TMEM132D: variants seen among roughly 807,000 people sequenced by gnomAD.
TMEM132D encodes transmembrane protein 132D.
In TMEM132D, 21 loss-of-function variants were observed where a neutral mutation model predicts 62.3. The ratio of observed to expected loss-of-function variants is 0.34; its 90% confidence interval spans 0.24 to 0.49. The LOEUF is 0.49. Ranked by LOEUF, TMEM132D falls within the 20% of genes least tolerant of loss-of-function variation. TMEM132D has a pLI of 0.99. For synonymous variants in TMEM132D, 621 were observed against 575.6 expected (o/e 1.08, Z -1.13); for missense variants, 1,346 against 1,402.8 (o/e 0.96, Z 0.65).
intron 4 of TMEM132D, among the ~76,000 whole-genome samples, chr12:129,215,577 A>T (rs1385351746): frequency 6.6e-6 from 1 of 152,226 alleles, no homozygotes; most frequent in African/African-American, 2.4e-5. Context: ...CTAGGCACAG[A>T]TAATGTTGGA....
chr12:129,099,146 C>G (rs1241259765), intron 5 of TMEM132D, among the ~76,000 whole-genome samples: 1 of 152,194 alleles, frequency 6.6e-6, no homozygotes, highest in African/African-American at 2.4e-5. Context: ...ATTCCTCAAG[C>G]CCATTGAATT....
chr12:129,693,784 TAA>T, intron 2 of TMEM132D, among the ~76,000 whole-genome samples: 2 of 152,198 alleles, frequency 1.3e-5, no homozygotes, highest in Admixed American at 1.3e-4. Flanking sequence ...ATTATAATAG[TAA>T]AAAAACACAC....
chr12:129,125,208 T>A (rs12306258), intron 5 of TMEM132D, among the ~76,000 whole-genome samples: 1 of 152,194 alleles, frequency 6.6e-6, no homozygotes, highest in Non-Finnish European at 1.5e-5. Context: ...ATTTGAAACA[T>A]TGAGACCATC....
rs148928265 is a variant in TMEM132D, at chr12:129,548,677, C to T, written c.969-17472G>A. ...CACCTGAATTTGACACATGCCTCTT[C>T]GGCTCACACTTCACATGTGACCTCA... On this transcript the variant is annotated intron_variant, in intron 2 of 8. Coordinates refer to ENST00000422113, the MANE Select transcript of TMEM132D (RefSeq NM_133448.3). Among the ~76,000 whole-genome samples the T allele has an allele frequency of 1.6e-3, 237 of 151,504 alleles. 1 individual carries two copies. Among genetic ancestry groups the T allele is most frequent in the Non-Finnish European group, 2.7e-3 (181 of 67,948 alleles).
intron 1 of TMEM132D, among the ~76,000 whole-genome samples, chr12:129,742,318 A>C (rs190938501): frequency 6.6e-6 from 1 of 152,262 alleles, no homozygotes; most frequent in Admixed American, 6.5e-5. Flanking sequence ...GGCCTCAGGA[A>C]GCTCTTCCTC....
At chr12:129,739,547 C>T (rs1316110781) in intron 1 of TMEM132D, among the ~76,000 whole-genome samples, 1 of 152,208 alleles carries the variant, frequency 6.6e-6, no homozygotes, top group Non-Finnish European at 1.5e-5. Context: ...TCCTGGACTG[C>T]TGGGTCACAC....
rs575615191 is a variant in TMEM132D, at chr12:129,888,719, C to T, written c.79+14542G>A. Among the ~76,000 whole-genome samples, 7 of 152,216 alleles carry T rather than the reference C, an allele frequency of 4.6e-5. No homozygotes were observed. In the South Asian group the frequency reaches 8.3e-4, roughly 18 times the overall value. On this transcript the variant is annotated intron_variant, in intron 1 of 8. Transcript: ENST00000422113. ...ACTCCGTTTAAAAACAAAATTCTAA[C>T]AGCCCTAAGGGTGGACTGTTGCTGT...
chr12:129,240,893 T>C (rs182410699), intron 4 of TMEM132D, among the ~76,000 whole-genome samples: 1 of 152,170 alleles, frequency 6.6e-6, no homozygotes, highest in East Asian at 1.9e-4. Context: ...ATCTCCTCAA[T>C]CTCCCTGTCC....
intron 5 of TMEM132D, among the ~76,000 whole-genome samples, chr12:129,181,809 T>C (rs192057686): frequency 6.7e-4 from 102 of 152,370 alleles, no homozygotes; most frequent in African/African-American, 2.4e-3. Flanking sequence ...TTCCTCTTCC[T>C]CTATGTAGAA....
At chr12:129,396,878 G>A (rs1871446686) in intron 3 of TMEM132D, among the ~76,000 whole-genome samples, 1 of 152,106 alleles carries the variant, frequency 6.6e-6, no homozygotes, top group African/African-American at 2.4e-5. Context: ...TGCCTATCTT[G>A]CCTATATGTT....
At chr12:129,125,341 A>C (rs1245349902) in intron 5 of TMEM132D, among the ~76,000 whole-genome samples, 1 of 152,182 alleles carries the variant, frequency 6.6e-6, no homozygotes. Flanking sequence ...TTGGTTCAGC[A>C]GTTCTAAGCT....
At chr12:129,377,825 T>G (rs1046580859) in intron 3 of TMEM132D, among the ~76,000 whole-genome samples, 2 of 152,238 alleles carry the variant, frequency 1.3e-5, no homozygotes, top group Admixed American at 1.3e-4. Context: ...AGTTTTCCTT[T>G]TTCCCATCCA....
At chr12:129,152,675 G>A (rs1330467774) in intron 5 of TMEM132D, among the ~76,000 whole-genome samples, 2 of 152,074 alleles carry the variant, frequency 1.3e-5, no homozygotes, top group Admixed American at 1.3e-4. Context: ...AGAGTCTGTG[G>A]GCCTGGGTGT....
intron 1 of TMEM132D, among the ~76,000 whole-genome samples, chr12:129,900,469 G>A (rs969768996): frequency 6.6e-5 from 10 of 152,202 alleles, no homozygotes; most frequent in Admixed American, 3.3e-4. Flanking sequence ...CAGGGAGCAC[G>A]ACACTGCCGC....
intron 3 of TMEM132D, among the ~76,000 whole-genome samples, chr12:129,463,700 C>T (rs1160182086): frequency 1.3e-5 from 2 of 151,900 alleles, no homozygotes; most frequent in Non-Finnish European, 2.9e-5. Flanking sequence ...GTTCAATTCC[C>T]ACCTATGAGT....
chr12:129,550,822 C>T (rs913687742), intron 2 of TMEM132D, among the ~76,000 whole-genome samples: 2 of 152,194 alleles, frequency 1.3e-5, no homozygotes, highest in African/African-American at 4.8e-5. Flanking sequence ...ATGACCACAA[C>T]AGTATATACC....
At chr12:129,283,341 G>A (rs1481463920) in intron 4 of TMEM132D, among the ~76,000 whole-genome samples, 4 of 152,066 alleles carry the variant, frequency 2.6e-5, no homozygotes, top group Non-Finnish European at 4.4e-5. Flanking sequence ...ACAGGTGCAT[G>A]CCACCATGCC....
At chr12:129,792,984 C>T (rs181903866) in intron 1 of TMEM132D, among the ~76,000 whole-genome samples, 59 of 151,946 alleles carry the variant, frequency 3.9e-4, no homozygotes, top group African/African-American at 1.3e-3. Context: ...ACAGATTAGA[C>T]GATATTATGT....
At chr12:129,232,585 C>T (rs1879671442) in intron 4 of TMEM132D, among the ~76,000 whole-genome samples, 1 of 152,064 alleles carries the variant, frequency 6.6e-6, no homozygotes, top group African/African-American at 2.4e-5. Context: ...CTTCACCTCC[C>T]AGGGCTTCTG....
Sources: gnomAD v4.1 joint callset for allele counts (sites outside exome capture counted in the v4.1 genomes callset) on GRCh38, gnomAD v4.1.1 for gene constraint, MANE v1.5 for transcripts, NCBI Gene and HGNC (gene_info 2026-07-23, HGNC 2026-07-21) for gene names.